KMO: variants seen among roughly 807,000 people sequenced by gnomAD.
KMO encodes the protein kynurenine 3-hydroxylase.
A neutral mutation model predicts 57.8 loss-of-function variants in KMO; 24 were observed. The ratio of observed to expected loss-of-function variants is 0.42; its 90% CI spans 0.30 to 0.58. The LOEUF is 0.58. Ranked by LOEUF, KMO falls within the 20% of genes least tolerant of loss-of-function variation. KMO has a pLI of 0.22. For synonymous variants in KMO, 210 were observed against 193.6 expected, an observed-to-expected ratio of 1.08 and a Z score of -0.70; for missense variants, 483 against 588.2, an observed-to-expected ratio of 0.82 and a Z score of 1.85.
intron 11 of KMO, among the ~76,000 whole-genome samples, chr1:241,588,014 A>G (rs1336590057): frequency 6.6e-6 from 1 of 152,220 alleles, no homozygotes. Flanking sequence ...AGGATAGACT[A>G]GAGAACTGGC....
At chr1:241,578,643 T>C (rs1662628457) in intron 10 of KMO, among the ~76,000 whole-genome samples, 1 of 152,098 alleles carries the variant, frequency 6.6e-6, no homozygotes, top group Non-Finnish European at 1.5e-5. Flanking sequence ...ATAAATAGGC[T>C]TAGTGTGTTG....
At chr1:241,548,980 C>T (rs1661265003) in intron 2 of KMO, 82 bp downstream of exon 2, 9 of 877,710 alleles carry the variant, frequency 1.0e-5, no homozygotes, top group African/African-American at 1.7e-5. Flanking sequence ...ACATGGATCG[C>T]TTGAGGCCGG....
At chr1:241,542,757 G>A (rs1232857436) in intron 1 of KMO, among the ~76,000 whole-genome samples, 3 of 152,234 alleles carry the variant, frequency 2.0e-5, no homozygotes, top group East Asian at 3.8e-4. Flanking sequence ...TTAACCAAGA[G>A]TGTGTGGTGC....
intron 14 of KMO, among the ~76,000 whole-genome samples, chr1:241,591,081 G>A (rs1448558544): frequency 6.6e-6 from 1 of 152,102 alleles, no homozygotes; most frequent in Non-Finnish European, 1.5e-5. Flanking sequence ...TGTCTATATG[G>A]AGAATGGATT....
chr1:241,549,842 C>T (rs931896624), intron 3 of KMO, 68 bp downstream of exon 3: 1 of 943,706 alleles, frequency 1.1e-6, no homozygotes, highest in African/African-American at 1.6e-5. Flanking sequence ...GGTTTGATTT[C>T]ATCCTGGCTT....
intron 7 of KMO, 51 bp downstream of exon 7, chr1:241,562,383 C>A (rs746475798): frequency 1.9e-6 from 3 of 1,566,040 alleles, no homozygotes; most frequent in Admixed American, 3.4e-5. Flanking sequence ...GCTCCATGAG[C>A]GCGAATGCGT....
At chr1:241,560,572 A>G (rs1661798592) in intron 5 of KMO, 93 bp from the exon 6 acceptor site, 2 of 893,314 alleles carry the variant, frequency 2.2e-6, no homozygotes, top group East Asian at 4.9e-5. Flanking sequence ...TCTCTACCAT[A>G]CTGTTCCCAG....
intron 10 of KMO, among the ~76,000 whole-genome samples, chr1:241,570,073 G>C (rs890848425): frequency 2.6e-5 from 4 of 151,832 alleles, no homozygotes; most frequent in African/African-American, 9.7e-5. Context: ...TTTTTAAATT[G>C]GATTATTCGT....
At chr1:241,544,100 A>G (rs1661050685) in intron 1 of KMO, among the ~76,000 whole-genome samples, 1 of 152,184 alleles carries the variant, frequency 6.6e-6, no homozygotes, top group Admixed American at 6.5e-5. Context: ...TTGAATTTTT[A>G]GGAGATGGAT....
intron 10 of KMO, among the ~76,000 whole-genome samples, chr1:241,576,019 T>C (rs894019911): frequency 2.2e-5 from 3 of 133,458 alleles, no homozygotes; most frequent in Admixed American, 7.4e-5. Context: ...AATGGCCTTC[T>C]TTGTCTTTTT....
At chr1:241,573,495 C>A (rs898040159) in intron 10 of KMO, among the ~76,000 whole-genome samples, 6 of 152,096 alleles carry the variant, frequency 3.9e-5, no homozygotes, top group African/African-American at 1.4e-4. Flanking sequence ...CTACATGTGG[C>A]TATCCAGTTT....
chr1:241,568,633 C>A lies in KMO; in HGVS notation c.943C>A (p.Gln315Lys). 2 of 1,613,574 alleles carry A rather than the reference C, an allele frequency of 1.2e-6. No individual in the cohort carries two copies. Among genetic ancestry groups the A allele is most frequent in the Non-Finnish European group, 8.5e-7 (1 of 1,179,720 alleles). ...AAHAIVPFFG[Q>K]GMNAGFEDCL... ...TCATGCTATAGTGCCGTTTTTTGGGCAAGGAATGAATGCGGTAAGTTCTTT... is the reference window on the plus strand; with the variant it reads ...TCATGCTATAGTGCCGTTTTTTGGGAAAGGAATGAATGCGGTAAGTTCTTT... The change falls in exon 10 of 15, where the codon CAA (glutamine) becomes AAA (lysine). Residue 315 changes from glutamine (Q) to lysine (K), a missense_variant. Gln to Lys is a moderately conservative substitution (Grantham distance 53). Coordinates refer to ENST00000366559, the MANE Select transcript of KMO (RefSeq NM_003679.5).
rs908841980 is a variant in KMO, at chr1:241,558,577, A to G, written c.362-2088A>G. ...ATGTTAATAATTATTAAGCCAAAGCAAACAGACAAAGGATGTGTGGCCAAA... is the reference window on the plus strand; with the variant it reads ...ATGTTAATAATTATTAAGCCAAAGCGAACAGACAAAGGATGTGTGGCCAAA... On this transcript the variant is annotated intron_variant, in intron 5 of 14. Coordinates refer to ENST00000366559, the MANE Select transcript of KMO (RefSeq NM_003679.5). Among the ~76,000 whole-genome samples, 57 of 152,242 alleles carry G rather than the reference A, an allele frequency of 3.7e-4. 1 individual carries two copies. Among genetic ancestry groups the G allele is most frequent in the Middle Eastern group, 3.2e-3 (1 of 316 alleles).
chr1:241,556,102 G>T (rs1661611749), intron 5 of KMO, among the ~76,000 whole-genome samples: 2 of 151,958 alleles, frequency 1.3e-5, no homozygotes, highest in South Asian at 2.1e-4. Context: ...CTCAAAAAAA[G>T]AAATAAATAA....
intron 1 of KMO, chr1:241,536,442 G>GAGT: frequency 2.2e-6 from 2 of 908,458 alleles, no homozygotes; most frequent in Non-Finnish European, 2.6e-6. Context: ...AGAAAATACT[G>GAGT]CTTTTGATAA....
At chr1:241,552,257 C>T (rs763589085) in intron 4 of KMO, among the ~76,000 whole-genome samples, 1 of 151,884 alleles carries the variant, frequency 6.6e-6, no homozygotes, top group Non-Finnish European at 1.5e-5. Flanking sequence ...TCCCTTTTTG[C>T]GGCCTTCAAT....
chr1:241,537,320 C>T (rs1322889539), intron 1 of KMO, among the ~76,000 whole-genome samples: 12 of 152,188 alleles, frequency 7.9e-5, no homozygotes, highest in African/African-American at 2.4e-4. Context: ...CTGAAGTAAA[C>T]GTCCTCAGTG....
intron 5 of KMO, among the ~76,000 whole-genome samples, chr1:241,556,374 A>C (rs1288610157): frequency 6.6e-6 from 1 of 152,048 alleles, no homozygotes; most frequent in African/African-American, 2.4e-5. Flanking sequence ...GGCTCAAGTG[A>C]TTCTCCCACC....
intron 1 of KMO, among the ~76,000 whole-genome samples, chr1:241,544,046 G>C (rs533009407): frequency 6.6e-5 from 10 of 152,296 alleles, no homozygotes; most frequent in African/African-American, 2.4e-4. Context: ...CAGTCACTGA[G>C]AGCTTTGTTT....
Sources: gnomAD v4.1 joint callset for allele counts (sites outside exome capture counted in the v4.1 genomes callset) on GRCh38, gnomAD v4.1.1 for gene constraint, MANE v1.5 for transcripts, NCBI Gene and HGNC (gene_info 2026-07-23, HGNC 2026-07-21) for gene names.